Variants in HMG20A observed in about 807,000 individuals in gnomAD.
HMG20A encodes the protein high mobility group protein 20A.
HMG20A carries 17 observed loss-of-function variants against 43.9 expected under a neutral mutation model. The observed-to-expected ratio is 0.39, with a 90% CI of 0.27 to 0.58. HMG20A has a LOEUF of 0.58. HMG20A is among the 20% of genes least tolerant of loss of function. HMG20A has a pLI of 0.59. For synonymous variants in HMG20A, 132 were observed against 147.5 expected, an observed-to-expected ratio of 0.89 and a Z score of 0.76; for missense variants, 341 against 438.2, an observed-to-expected ratio of 0.78 and a Z score of 1.98.
At chr15:77,513,184 G>A in the HMG20A span, among the ~76,000 whole-genome samples, 1 of 152,208 alleles carries the variant, frequency 6.6e-6, no homozygotes, top group African/African-American at 2.4e-5. Flanking sequence ...TTGGGATGGA[G>A]TCTAAAGATT....
At chr15:77,441,901 T>G (rs926554069) in intron 1 of HMG20A, among the ~76,000 whole-genome samples, 7 of 152,252 alleles carry the variant, frequency 4.6e-5, no homozygotes, top group Non-Finnish European at 7.4e-5. Context: ...TGTGGAAAAA[T>G]ATTGTAATGA....
At chr15:77,427,760 T>C (rs541314892) in intron 1 of HMG20A, among the ~76,000 whole-genome samples, 13 of 152,346 alleles carry the variant, frequency 8.5e-5, no homozygotes, top group Non-Finnish European at 1.6e-4. Flanking sequence ...CTGAATAATA[T>C]TCAGATTCAG....
chr15:77,454,200 C>T (rs2072633932), intron 1 of HMG20A, among the ~76,000 whole-genome samples: 1 of 150,424 alleles, frequency 6.6e-6, no homozygotes, highest in African/African-American at 2.4e-5. Flanking sequence ...TTAGTGGTTG[C>T]CCAGGCCTAG....
chr15:77,519,892 A>G, the HMG20A span, among the ~76,000 whole-genome samples: 1 of 152,088 alleles, frequency 6.6e-6, no homozygotes, highest in African/African-American at 2.4e-5. Flanking sequence ...TTATCCAGGA[A>G]ATACAGATTA....
At chr15:77,476,181 G>T (rs952364981) in intron 6 of HMG20A, among the ~76,000 whole-genome samples, 9 of 152,042 alleles carry the variant, frequency 5.9e-5, no homozygotes, top group Admixed American at 1.3e-4. Flanking sequence ...TGTGTTCAAA[G>T]ATTTAAAAAA....
At chr15:77,504,763 G>A in the HMG20A span, among the ~76,000 whole-genome samples, 1,879 of 152,194 alleles carry the variant, frequency 0.012, 49 homozygotes, top group African/African-American at 0.043. Context: ...AGAACTGGGC[G>A]TTACAAATGG....
intron 2 of HMG20A, among the ~76,000 whole-genome samples, chr15:77,463,264 C>A (rs371566114): frequency 6.6e-6 from 1 of 152,126 alleles, no homozygotes; most frequent in Non-Finnish European, 1.5e-5. Flanking sequence ...TCTATAAATT[C>A]TTTCTTAACA....
At chr15:77,512,725 G>T in the HMG20A span, among the ~76,000 whole-genome samples, 1 of 151,950 alleles carries the variant, frequency 6.6e-6, no homozygotes, top group Non-Finnish European at 1.5e-5. Context: ...GTAAATTTTT[G>T]ATGAGAAACA....
rs975364381 is a variant in HMG20A at position 77,485,082 on chromosome 15, A to C, written c.*2119A>C. 6.6e-6 allele frequency: 1 copy of C among 152,238 alleles called. No individual in the cohort carries two copies. The highest frequency in any genetic ancestry group is 2.4e-5 in the African/African-American group (1 of 41,456). The allele number at this position is 152,238 out of a possible 1,614,324, so 9.4% of individuals were successfully genotyped here. ...TCAGGAATGCATGAGATTTCAAGAG[A>C]GCCTACAGTATGAAATCATTTTCAC... On this transcript the variant is annotated 3_prime_UTR_variant, in exon 10 of 10. Coordinates refer to ENST00000336216, the MANE Select transcript of HMG20A (RefSeq NM_001304504.2).
the HMG20A span, among the ~76,000 whole-genome samples, chr15:77,517,796 TG>T: frequency 6.6e-6 from 1 of 151,832 alleles, no homozygotes. Context: ...CCCAGCTTCC[TG>T]GAGACACTTC....
intron 1 of HMG20A, among the ~76,000 whole-genome samples, chr15:77,437,760 G>A: frequency 6.6e-6 from 1 of 152,108 alleles, no homozygotes; most frequent in East Asian, 1.9e-4. Flanking sequence ...TTCTAGTAGA[G>A]ATGGGGTTTC....
Position 77,464,102 on chromosome 15 carries a change from C to T in HMG20A, c.90-138C>T, listed in dbSNP as rs547990147. The T allele has an allele frequency of 1.1e-5, 10 of 942,720 alleles. No homozygotes were observed. The Admixed American group carries it at 1.1e-4, about 11-fold the overall frequency. 58.4% of individuals were successfully genotyped at this position (942,720 alleles called of 1,614,324 possible). On this transcript the variant is annotated intron_variant, in intron 2 of 9. Transcript: ENST00000336216. ...AAACGCCCTGTAACGTCTGTGAATA[C>T]GTTGTTTACATTTATACAGATTATT...
intron 1 of HMG20A, 166 bp from the exon 2 acceptor site, chr15:77,458,238 C>T: frequency 1.9e-6 from 1 of 518,372 alleles, no homozygotes; most frequent in East Asian, 3.4e-5. Flanking sequence ...GCCCATTTAC[C>T]ATACAGTTTA....
the HMG20A span, among the ~76,000 whole-genome samples, chr15:77,499,469 C>T: frequency 2.0e-5 from 3 of 152,262 alleles, no homozygotes; most frequent in South Asian, 2.1e-4. Flanking sequence ...GAATCCTACA[C>T]GCCTCTCCCC....
intron 1 of HMG20A, among the ~76,000 whole-genome samples, chr15:77,436,102 G>T (rs74026910): frequency 6.6e-6 from 1 of 151,946 alleles, no homozygotes; most frequent in Non-Finnish European, 1.5e-5. Context: ...TATCTCAAAG[G>T]CATCTTAAAA....
At chr15:77,494,288 C>A in the HMG20A span, among the ~76,000 whole-genome samples, 70 of 152,196 alleles carry the variant, frequency 4.6e-4, no homozygotes, top group African/African-American at 1.6e-3. Context: ...CACTACCATG[C>A]CTGGCTAATT....
chr15:77,480,450 A>C (rs1404792146), intron 9 of HMG20A, among the ~76,000 whole-genome samples: 1 of 151,934 alleles, frequency 6.6e-6, no homozygotes, highest in Non-Finnish European at 1.5e-5. Flanking sequence ...TGCTTTAAAA[A>C]AAAATGAAAA....
chr15:77,505,659 C>T, the HMG20A span, among the ~76,000 whole-genome samples: 3 of 152,246 alleles, frequency 2.0e-5, no homozygotes, highest in Non-Finnish European at 4.4e-5. Flanking sequence ...TGATCTGCTG[C>T]TCCTATCACA....
At chr15:77,428,768 C>T (rs545972424) in intron 1 of HMG20A, among the ~76,000 whole-genome samples, 7 of 152,028 alleles carry the variant, frequency 4.6e-5, no homozygotes, top group Admixed American at 2.0e-4. Flanking sequence ...AGTTTGGGAC[C>T]GGCTTGGGTA....
Sources: allele counts gnomAD v4.1 joint callset (sites outside exome capture counted in the v4.1 genomes callset), GRCh38; gene constraint gnomAD v4.1.1; transcripts MANE v1.5; gene names NCBI Gene and HGNC (gene_info 2026-07-23, HGNC 2026-07-21).